ASTN2: variants seen among roughly 807,000 people sequenced by gnomAD.
ASTN2 encodes astrotactin-2.
Under a neutral mutation model 139.8 loss-of-function variants are expected in ASTN2, and 54 were observed. The observed-to-expected ratio is 0.39, with a 90% CI of 0.31 to 0.48. The LOEUF is 0.48. Among genes scored for constraint, ASTN2 ranks in the 20% least tolerant of loss-of-function variants. The pLI is 0.95. For synonymous variants in ASTN2, 756 were observed against 719.5 expected (o/e 1.05, Z -0.81); for missense variants, 1,565 against 1,725.1 (o/e 0.91, Z 1.64).
At chr9:117,026,767 C>T (rs886622918) in intron 6 of ASTN2, among the ~76,000 whole-genome samples, 1 of 152,088 alleles carries the variant, frequency 6.6e-6, no homozygotes, top group Non-Finnish European at 1.5e-5. Flanking sequence ...TACAAAGGAA[C>T]AAGACAGCTA....
At chr9:117,016,636 A>AACC (rs1564385933) in intron 6 of ASTN2, among the ~76,000 whole-genome samples, 72 of 21,344 alleles carry the variant, frequency 3.4e-3, no homozygotes, top group Non-Finnish European at 6.5e-3. Context: ...ATATATATAT[A>AACC]TATATATATA....
chr9:117,187,448 C>T (rs1831230115), intron 3 of ASTN2, among the ~76,000 whole-genome samples: 1 of 152,036 alleles, frequency 6.6e-6, no homozygotes, highest in East Asian at 1.9e-4. Context: ...GAAAGTCAAC[C>T]CCCAATGTAA....
intron 13 of ASTN2, among the ~76,000 whole-genome samples, chr9:116,738,380 A>G (rs1829000924): frequency 6.6e-6 from 1 of 151,786 alleles, no homozygotes; most frequent in South Asian, 2.1e-4. Flanking sequence ...ACCCACCTGT[A>G]ATCCCAGCTA....
Position 116,577,618 on chromosome 9 carries a change from T to A in ASTN2, c.3355+40706A>T, listed in dbSNP as rs185289444. On this transcript the variant is annotated intron_variant, in intron 19 of 22. Transcript: ENST00000313400. The stretch of plus-strand genomic sequence containing the variant: ...TGGGTCTATGAAAACAGTGTCTGAG[T>A]TGAGTTGAAGAGAACAAAAAAAGGG... Among the ~76,000 whole-genome samples the A allele has an allele frequency of 2.0e-5, 3 of 152,210 alleles. No homozygotes were observed. The East Asian group carries it at 5.8e-4, about 29-fold the overall frequency.
intron 10 of ASTN2, among the ~76,000 whole-genome samples, chr9:116,927,939 C>T (rs1467695709): frequency 6.6e-6 from 1 of 152,180 alleles, no homozygotes. Context: ...ACCAATTTAG[C>T]TTTGGCTACT....
intron 10 of ASTN2, among the ~76,000 whole-genome samples, chr9:116,940,876 T>A (rs1011286932): frequency 1.1e-4 from 16 of 152,110 alleles, no homozygotes; most frequent in African/African-American, 2.2e-4. Flanking sequence ...TAGATAATTT[T>A]AAAAAATATT....
chr9:116,976,015 A>C, intron 9 of ASTN2, 99 bp downstream of exon 9: 3 of 1,130,542 alleles, frequency 2.7e-6, no homozygotes, highest in Non-Finnish European at 4.0e-6. Context: ...GCAGCTCAGA[A>C]GTGCACAGGC....
rs575931514 is a variant in ASTN2 at position 117,060,344 on chromosome 9, GAGAAAGAAAGAA to G, written c.1277-20391_1277-20380del. On this transcript the variant is annotated intron_variant, in intron 5 of 22. Coordinates refer to ENST00000313400, the MANE Select transcript of ASTN2 (RefSeq NM_001365068.1). ...AAAGAAAGAAAGAAAGAAAGAAAGA[GAGAAAGAAAGAA>G]AGAAAGAAAGAAAGAAAGAAAGAAA... Among the ~76,000 whole-genome samples, 233 of 58,868 alleles carry G rather than the reference GAGAAAGAAAGAA, an allele frequency of 4.0e-3. 3 individuals are homozygous for G. The highest frequency in any genetic ancestry group is 8.3e-3 in the African/African-American group (104 of 12,510). 38.6% of individuals were successfully genotyped at this position (58,868 alleles called of 152,430 possible). A position where few individuals can be genotyped will look rare whatever the true frequency, so the allele number is the denominator to read the frequency against.
At chr9:116,465,967 TTTA>T (rs1848636856) in intron 20 of ASTN2, among the ~76,000 whole-genome samples, 2 of 132,922 alleles carry the variant, frequency 1.5e-5, no homozygotes, top group African/African-American at 5.2e-5. Flanking sequence ...TTCTCCATAC[TTTA>T]TTTTATTTCA....
intron 5 of ASTN2, among the ~76,000 whole-genome samples, chr9:117,045,530 C>G (rs915500180): frequency 4.6e-5 from 7 of 152,196 alleles, no homozygotes; most frequent in Middle Eastern, 3.4e-3. Context: ...CTCATGGCAG[C>G]AGAGAATGGC....
chr9:116,905,427 C>T (rs1834128228), intron 10 of ASTN2, among the ~76,000 whole-genome samples: 1 of 152,090 alleles, frequency 6.6e-6, no homozygotes, highest in Non-Finnish European at 1.5e-5. Context: ...ACCACTACAC[C>T]CCAACACACA....
intron 1 of ASTN2, among the ~76,000 whole-genome samples, chr9:117,402,988 G>A (rs888301038): frequency 6.6e-6 from 1 of 152,184 alleles, no homozygotes. Flanking sequence ...TCAGACATTT[G>A]CAAGTAATTA....
At chr9:117,321,305 T>A (rs1828315469) in intron 1 of ASTN2, among the ~76,000 whole-genome samples, 1 of 152,196 alleles carries the variant, frequency 6.6e-6, no homozygotes. Context: ...CTCAACAAAA[T>A]ATTTTTGTCT....
intron 19 of ASTN2, among the ~76,000 whole-genome samples, chr9:116,594,593 T>G (rs1329021778): frequency 6.6e-6 from 1 of 152,192 alleles, no homozygotes; most frequent in East Asian, 1.9e-4. Context: ...CACTTTATGT[T>G]CAGCCAGTTA....
chr9:117,282,077 A>G (rs148425240), intron 2 of ASTN2, among the ~76,000 whole-genome samples: 138 of 151,126 alleles, frequency 9.1e-4, no homozygotes, highest in East Asian at 2.5e-3. Flanking sequence ...ATTTTCCCCC[A>G]TCTCTGCTTT....
intron 19 of ASTN2, chr9:116,585,813 C>T (rs1854122666): frequency 6.6e-6 from 1 of 152,050 alleles, no homozygotes; most frequent in Non-Finnish European, 1.5e-5. Context: ...CAAAAATTGA[C>T]AGTGGGATCT....
intron 5 of ASTN2, among the ~76,000 whole-genome samples, chr9:117,080,772 T>C (rs1889318): frequency 0.31 from 46,629 of 152,030 alleles, 8,599 homozygotes; most frequent in Middle Eastern, 0.46. Context: ...TCTTGACTTC[T>C]TCCACAGACA....
chr9:117,066,850 GTTGT>G (rs1290672377), intron 5 of ASTN2, among the ~76,000 whole-genome samples: 287 of 140,150 alleles, frequency 2.0e-3, no homozygotes, highest in African/African-American at 7.2e-3. Flanking sequence ...TTTTGATGGG[GTTGT>G]TTGTTTTTTT....
intron 3 of ASTN2, among the ~76,000 whole-genome samples, chr9:117,185,767 G>A (rs1831180522): frequency 1.3e-5 from 2 of 152,184 alleles, no homozygotes; most frequent in South Asian, 4.2e-4. Context: ...CCATGGGCAT[G>A]CAGAGGTTAG....
Sources: allele counts gnomAD v4.1 joint callset (sites outside exome capture counted in the v4.1 genomes callset), GRCh38; gene constraint gnomAD v4.1.1; transcripts MANE v1.5; gene names NCBI Gene and HGNC (gene_info 2026-07-23, HGNC 2026-07-21).